Variants in MCPH1 observed in about 807,000 individuals in gnomAD.
MCPH1 encodes the protein microcephalin.
MCPH1 carries 104 observed loss-of-function variants against 84.5 expected under a neutral mutation model. The observed-to-expected ratio is 1.23, with a 90% CI of 1.05 to 1.45. MCPH1 has a LOEUF of 1.45. Ranked by LOEUF, MCPH1 falls within the 40% of genes most tolerant of loss-of-function variation. The pLI is 0.00. For missense variants in MCPH1, 1,498 were observed against 1,005.7 expected, an observed-to-expected ratio of 1.49 and a Z score of -6.62; for synonymous variants, 514 against 366.8, an observed-to-expected ratio of 1.40 and a Z score of -4.58.
intron 13 of MCPH1, among the ~76,000 whole-genome samples, chr8:6,637,909 G>A (rs1447512923): frequency 6.6e-6 from 1 of 152,150 alleles, no homozygotes. Flanking sequence ...AGAGCCAGGT[G>A]CACTCGCTGA....
chr8:6,563,836 A>G (rs552868799), intron 12 of MCPH1, among the ~76,000 whole-genome samples: 3 of 152,312 alleles, frequency 2.0e-5, no homozygotes, highest in African/African-American at 2.4e-5. Flanking sequence ...TAGAAACATC[A>G]GTTTCTGAGC....
intron 9 of MCPH1, among the ~76,000 whole-genome samples, chr8:6,458,191 G>T (rs180868546): frequency 6.6e-6 from 1 of 152,220 alleles, no homozygotes; most frequent in Non-Finnish European, 1.5e-5. Flanking sequence ...CTGATTTGCG[G>T]GCTGGGTGCG....
Position 6,445,506 on chromosome 8 carries a change from C to T in MCPH1, c.1784C>T (p.Ser595Phe), listed in dbSNP as rs1461084012. 6.2e-7 allele frequency: 1 copy of T among 1,610,024 alleles called. No homozygotes were observed. Among genetic ancestry groups the T allele is most frequent in the African/African-American group, 1.3e-5 (1 of 74,688 alleles). ...ATAGTTGACTGTAACATGGAGACGTCTACAGAAGAGAAGGAAAACTTACCC... is the reference window on the plus strand; with the variant it reads ...ATAGTTGACTGTAACATGGAGACGTTTACAGAAGAGAAGGAAAACTTACCC... ...CFIVDCNMETSTEEKENLPGG... is the reference protein window; with the variant it reads ...CFIVDCNMETFTEEKENLPGG... Residue 595 changes from serine to phenylalanine, a missense_variant, in exon 8 of 14, where the codon TCT (serine) becomes TTT (phenylalanine). Physicochemically the swap from Ser to Phe is radical, Grantham distance 155 (BLOSUM62 -2). Coordinates refer to ENST00000344683, the MANE Select transcript of MCPH1 (RefSeq NM_024596.5).
intron 12 of MCPH1, among the ~76,000 whole-genome samples, chr8:6,513,028 C>T (rs7013006): frequency 3.9e-5 from 6 of 152,190 alleles, no homozygotes; most frequent in African/African-American, 7.2e-5. Context: ...AAGTATCCAT[C>T]ATTTATGCTA....
At chr8:6,569,678 C>G (rs1449732980) in intron 12 of MCPH1, among the ~76,000 whole-genome samples, 1 of 152,210 alleles carries the variant, frequency 6.6e-6, no homozygotes, top group East Asian at 1.9e-4. Context: ...GTGTGTCTGT[C>G]TTTTATGTTA....
At chr8:6,621,046 G>C (rs536727020) in intron 12 of MCPH1, 14 of 297,264 alleles carry the variant, frequency 4.7e-5, no homozygotes, top group Non-Finnish European at 7.7e-5. Context: ...ATTGAATGAC[G>C]CTCTCCCAGC....
At chr8:6,640,736 G>C (rs1797888395) in intron 13 of MCPH1, among the ~76,000 whole-genome samples, 1 of 152,116 alleles carries the variant, frequency 6.6e-6, no homozygotes, top group Non-Finnish European at 1.5e-5. Flanking sequence ...TTGTGGTTTT[G>C]CTTAGAAAGG....
intron 11 of MCPH1, among the ~76,000 whole-genome samples, chr8:6,482,290 G>GA (rs1441892425): frequency 6.6e-6 from 1 of 152,094 alleles, no homozygotes; most frequent in Admixed American, 6.5e-5. Flanking sequence ...AAAATCTATG[G>GA]AAAAAATGAC....
chr8:6,446,982 G>A (rs1282493594), intron 8 of MCPH1: 2 of 985,198 alleles, frequency 2.0e-6, no homozygotes, highest in Non-Finnish European at 2.4e-6. Context: ...AGGTTTTTTC[G>A]CTCAGTGGTG....
At chr8:6,491,682 C>G (rs1026209880) in intron 11 of MCPH1, among the ~76,000 whole-genome samples, 9 of 151,804 alleles carry the variant, frequency 5.9e-5, no homozygotes, top group African/African-American at 2.2e-4. Context: ...GTGTCCATGT[C>G]TTCTCATTGT....
intron 9 of MCPH1, among the ~76,000 whole-genome samples, chr8:6,470,596 G>A (rs921010943): frequency 2.0e-5 from 3 of 152,114 alleles, no homozygotes; most frequent in African/African-American, 7.2e-5. Context: ...TGAGATCCTC[G>A]TACTTTTAAA....
At chr8:6,446,279 A>G (rs1804353760) in intron 8 of MCPH1, 9 of 985,222 alleles carry the variant, frequency 9.1e-6, no homozygotes, top group Non-Finnish European at 1.1e-5. Context: ...ACCAAAATTG[A>G]AGAAATCTTG....
At position 6,643,857 on chromosome 8, in the gene MCPH1, G is replaced by A. The variant is rs11994063; in HGVS notation, c.*808G>A. On this transcript the variant is annotated 3_prime_UTR_variant, in exon 14 of 14. Coordinates refer to ENST00000344683, the MANE Select transcript of MCPH1 (RefSeq NM_024596.5). ...TCTTACTTCTGCAAGCCTGCTTTATGGTGAGCAAAGCATCACCAGCAAGTG... is the reference window on the plus strand; with the variant it reads ...TCTTACTTCTGCAAGCCTGCTTTATAGTGAGCAAAGCATCACCAGCAAGTG... The A allele has an allele frequency of 0.16, 24,385 of 152,146 alleles. 2,210 individuals carry two copies. Among genetic ancestry groups the A allele is most frequent in the South Asian group, 0.21 (1,023 of 4,816 alleles). 9.4% of individuals were successfully genotyped at this position (152,146 alleles called of 1,614,324 possible). A position where few individuals can be genotyped will look rare whatever the true frequency, so the allele number is the denominator to read the frequency against.
intron 5 of MCPH1, among the ~76,000 whole-genome samples, chr8:6,438,734 T>C (rs1350318545): frequency 3.3e-5 from 5 of 152,302 alleles, no homozygotes; most frequent in African/African-American, 1.2e-4. Context: ...AGCACAGTGC[T>C]TGGTGAGGGC....
At chr8:6,496,522 C>T (rs1457443551) in intron 11 of MCPH1, among the ~76,000 whole-genome samples, 1 of 151,732 alleles carries the variant, frequency 6.6e-6, no homozygotes, top group Non-Finnish European at 1.5e-5. Context: ...CGGAAGCCCC[C>T]CCGCCCCCCT....
At chr8:6,573,802 C>T (rs1826851414) in intron 12 of MCPH1, among the ~76,000 whole-genome samples, 2 of 152,038 alleles carry the variant, frequency 1.3e-5, no homozygotes, top group Admixed American at 1.3e-4. Context: ...TTAAACAGAA[C>T]TAAAAGAGGG....
At chr8:6,545,585 AT>A (rs1822441997) in intron 12 of MCPH1, among the ~76,000 whole-genome samples, 1 of 152,236 alleles carries the variant, frequency 6.6e-6, no homozygotes, top group South Asian at 2.1e-4. Flanking sequence ...GTTAAAATGT[AT>A]ATTCGTAATC....
intron 3 of MCPH1, among the ~76,000 whole-genome samples, chr8:6,426,963 G>A (rs1230371000): frequency 1.3e-5 from 2 of 152,272 alleles, no homozygotes; most frequent in East Asian, 3.9e-4. Context: ...GAAACGAATA[G>A]GTGATTTTGT....
At chr8:6,468,505 T>G (rs1313830898) in intron 9 of MCPH1, among the ~76,000 whole-genome samples, 1 of 152,184 alleles carries the variant, frequency 6.6e-6, no homozygotes, top group African/African-American at 2.4e-5. Context: ...AGGAGCTAGG[T>G]GCATGTGTAG....
Sources: gnomAD v4.1 joint callset for allele counts (sites outside exome capture counted in the v4.1 genomes callset) on GRCh38, gnomAD v4.1.1 for gene constraint, MANE v1.5 for transcripts, NCBI Gene and HGNC (gene_info 2026-07-23, HGNC 2026-07-21) for gene names.